SLC35F3: variants seen among roughly 807,000 people sequenced by gnomAD.
SLC35F3 encodes solute carrier family 35 member F3.
In SLC35F3, 25 loss-of-function variants were observed where a neutral mutation model predicts 49.9. The ratio of observed to expected loss-of-function variants is 0.50; its 90% CI spans 0.37 to 0.70. SLC35F3 has a LOEUF of 0.70. Among genes scored for constraint, SLC35F3 ranks in the 30% least tolerant of loss-of-function variants. SLC35F3 has a pLI of 0.00. For missense variants in SLC35F3, 525 were observed against 639.8 expected (o/e 0.82, Z 1.94); for synonymous variants, 275 against 265.4 (o/e 1.04, Z -0.35).
At chr1:234,091,227 C>G (rs1414903812) in intron 2 of SLC35F3, among the ~76,000 whole-genome samples, 1 of 151,984 alleles carries the variant, frequency 6.6e-6, no homozygotes, top group African/African-American at 2.4e-5. Context: ...TGACCTAGTC[C>G]TCACTCTATC....
At chr1:233,963,596 C>T (rs554645972) in intron 2 of SLC35F3, among the ~76,000 whole-genome samples, 4 of 152,014 alleles carry the variant, frequency 2.6e-5, no homozygotes, top group South Asian at 2.1e-4. Flanking sequence ...CCACCGTGCC[C>T]GGCCAGGGCA....
At chr1:234,321,414 A>G (rs1017722783) in intron 7 of SLC35F3, among the ~76,000 whole-genome samples, 4 of 152,232 alleles carry the variant, frequency 2.6e-5, no homozygotes, top group Middle Eastern at 3.2e-3. Context: ...GAAATAACCG[A>G]TGAGACAGCA....
chr1:234,241,110 C>T (rs1442268669), intron 3 of SLC35F3, among the ~76,000 whole-genome samples: 4 of 152,062 alleles, frequency 2.6e-5, no homozygotes, highest in Admixed American at 1.3e-4. Context: ...TCTTTTCTTT[C>T]TTTTCTTTTC....
At chr1:234,165,401 T>C (rs1213296493) in intron 2 of SLC35F3, among the ~76,000 whole-genome samples, 1 of 152,154 alleles carries the variant, frequency 6.6e-6, no homozygotes, top group Non-Finnish European at 1.5e-5. Flanking sequence ...AAGGCAAAAA[T>C]CAAATTTTTT....
intron 2 of SLC35F3, among the ~76,000 whole-genome samples, chr1:234,121,640 T>C (rs1665575567): frequency 6.6e-6 from 1 of 152,166 alleles, no homozygotes; most frequent in African/African-American, 2.4e-5. Flanking sequence ...TGTATACATG[T>C]GCCATGTTGG....
At chr1:234,289,979 A>G (rs554310191) in intron 3 of SLC35F3, among the ~76,000 whole-genome samples, 1 of 152,340 alleles carries the variant, frequency 6.6e-6, no homozygotes, top group East Asian at 1.9e-4. Flanking sequence ...TCAAAGAAAG[A>G]AGAGGGCATT....
intron 5 of SLC35F3, among the ~76,000 whole-genome samples, chr1:234,317,415 C>T (rs1657517962): frequency 6.6e-6 from 1 of 151,510 alleles, no homozygotes; most frequent in Admixed American, 6.6e-5. Flanking sequence ...CTCTCCTTCT[C>T]CTAAGATCCA....
intron 2 of SLC35F3, among the ~76,000 whole-genome samples, chr1:234,209,718 T>C (rs1274161383): frequency 6.6e-6 from 1 of 151,718 alleles, no homozygotes; most frequent in Admixed American, 6.6e-5. Flanking sequence ...ATGGAGTGCT[T>C]AAAATTAAAG....
intron 2 of SLC35F3, among the ~76,000 whole-genome samples, chr1:233,969,014 G>A (rs1207853275): frequency 6.8e-6 from 1 of 147,726 alleles, no homozygotes; most frequent in Non-Finnish European, 1.5e-5. Context: ...CATTTCTAAA[G>A]AAGATCCCAT....
rs60342594 is a variant in SLC35F3 at position 234,219,055 on chromosome 1, C to CAAAAAA, written c.284-12346_284-12341dup. On this transcript the variant is annotated intron_variant, in intron 2 of 7. Transcript: ENST00000366618. ...CTGGTGACATAGAGAGACTCCATCT[C>CAAAAAA]AAAAAAAAAAAAAAAAAAAAAGCTC... Among the ~76,000 whole-genome samples, 217 of 55,202 alleles carry CAAAAAA rather than the reference C, an allele frequency of 3.9e-3. 13 individuals carry two copies. Among genetic ancestry groups the CAAAAAA allele is most frequent in the East Asian group, 0.026 (43 of 1,636 alleles). The allele number at this position is 55,202 out of a possible 152,430, so 36.2% of individuals were successfully genotyped here.
intron 2 of SLC35F3, among the ~76,000 whole-genome samples, chr1:234,110,926 A>G (rs991392941): frequency 4.6e-5 from 7 of 152,254 alleles, no homozygotes; most frequent in Non-Finnish European, 1.0e-4. Flanking sequence ...GTGTAGCCCC[A>G]TAAAACAAAA....
At chr1:233,971,642 C>T (rs557356614) in intron 2 of SLC35F3, among the ~76,000 whole-genome samples, 8 of 146,460 alleles carry the variant, frequency 5.5e-5, no homozygotes, top group South Asian at 2.2e-4. Flanking sequence ...TGCTTGAACC[C>T]GGGAGGTGGA....
At chr1:234,082,612 GTA>G (rs1484195302) in intron 2 of SLC35F3, among the ~76,000 whole-genome samples, 4 of 152,116 alleles carry the variant, frequency 2.6e-5, no homozygotes, top group Non-Finnish European at 5.9e-5. Context: ...ATTTGTATTA[GTA>G]TGTTTTCACA....
intron 2 of SLC35F3, among the ~76,000 whole-genome samples, chr1:234,100,433 C>A (rs993340536): frequency 1.3e-5 from 2 of 152,146 alleles, no homozygotes; most frequent in South Asian, 4.1e-4. Flanking sequence ...GAGTGAAACT[C>A]GCTAAAAAGG....
chr1:234,109,732 G>A (rs561266746), intron 2 of SLC35F3, among the ~76,000 whole-genome samples: 1 of 152,304 alleles, frequency 6.6e-6, no homozygotes, highest in South Asian at 2.1e-4. Flanking sequence ...GAGAGGGGGA[G>A]GACAAAGAGG....
intron 2 of SLC35F3, among the ~76,000 whole-genome samples, chr1:234,131,157 G>A (rs750614698): frequency 1.5e-4 from 22 of 150,622 alleles, no homozygotes; most frequent in Non-Finnish European, 5.9e-5. Context: ...GCATGAGGGG[G>A]CTTCTGAGGT....
chr1:234,069,118 T>C (rs1383981203), intron 2 of SLC35F3, among the ~76,000 whole-genome samples: 1 of 129,236 alleles, frequency 7.7e-6, no homozygotes, highest in Non-Finnish European at 1.6e-5. Context: ...ATTGTATATT[T>C]TTGTATATAA....
At chr1:234,133,417 C>T (rs1665762581) in intron 2 of SLC35F3, among the ~76,000 whole-genome samples, 1 of 152,098 alleles carries the variant, frequency 6.6e-6, no homozygotes, top group African/African-American at 2.4e-5. Flanking sequence ...ACATGGAAGA[C>T]CAAGCCGTAA....
intron 2 of SLC35F3, among the ~76,000 whole-genome samples, chr1:234,006,279 G>A (rs141760949): frequency 2.3e-4 from 35 of 152,208 alleles, no homozygotes; most frequent in Middle Eastern, 3.4e-3. Flanking sequence ...ACCAAGCCAC[G>A]TAAGTTTATA....
Sources: allele counts gnomAD v4.1 joint callset (sites outside exome capture counted in the v4.1 genomes callset), GRCh38; gene constraint gnomAD v4.1.1; transcripts MANE v1.5; gene names NCBI Gene and HGNC (gene_info 2026-07-23, HGNC 2026-07-21).